The following TOX variants were observed in gnomAD, a reference collection of about 807,000 sequenced individuals.
TOX encodes the protein thymocyte selection associated high mobility group box.
Under a neutral mutation model 53.7 loss-of-function variants are expected in TOX, and 11 were observed. That is an observed-to-expected ratio of 0.20 (90% CI 0.13 to 0.34). TOX has a LOEUF of 0.34. Ranked by LOEUF, TOX falls within the 10% of genes least tolerant of loss-of-function variation. The probability of loss-of-function intolerance (pLI) is 1.00; values close to 1 mark genes in which losing one functional copy is unlikely to be tolerated. For missense variants in TOX, 570 were observed against 664.6 expected (o/e 0.86, Z 1.56); for synonymous variants, 225 against 245.3 (o/e 0.92, Z 0.77).
intron 1 of TOX, among the ~76,000 whole-genome samples, chr8:59,072,865 AT>A: frequency 6.6e-6 from 1 of 152,212 alleles, no homozygotes. Context: ...TTTCATTAAA[AT>A]TTCCAGAATG....
chr8:58,982,114 A>C (rs1340653486), intron 1 of TOX, among the ~76,000 whole-genome samples: 3 of 151,872 alleles, frequency 2.0e-5, no homozygotes, highest in Non-Finnish European at 2.9e-5. Flanking sequence ...CTAACCACTC[A>C]CTTGCCCCTT....
At chr8:59,043,201 CTGTGTGTGTG>C (rs10660376) in intron 1 of TOX, among the ~76,000 whole-genome samples, 1 of 147,902 alleles carries the variant, frequency 6.8e-6, no homozygotes, top group Non-Finnish European at 1.5e-5. Context: ...ACTTTCTTTT[CTGTGTGTGTG>C]TGTGTGTGTG....
At chr8:59,026,623 A>T (rs851800) in intron 1 of TOX, among the ~76,000 whole-genome samples, 3 of 152,028 alleles carry the variant, frequency 2.0e-5, no homozygotes, top group Non-Finnish European at 2.9e-5. Flanking sequence ...TAAGCCTGTA[A>T]CCCTTGGACA....
At chr8:59,001,045 A>G (rs978495435) in intron 1 of TOX, among the ~76,000 whole-genome samples, 1 of 152,204 alleles carries the variant, frequency 6.6e-6, no homozygotes, top group African/African-American at 2.4e-5. Context: ...GCTTAGAACA[A>G]TTGGTAATTA....
chr8:59,004,916 C>T (rs1813759297), intron 1 of TOX, among the ~76,000 whole-genome samples: 1 of 152,126 alleles, frequency 6.6e-6, no homozygotes, highest in African/African-American at 2.4e-5. Context: ...GGAATCAATC[C>T]AACTTAGTAG....
At chr8:59,027,452 T>C (rs72651366) in intron 1 of TOX, among the ~76,000 whole-genome samples, 1 of 48,200 alleles carries the variant, frequency 2.1e-5, no homozygotes, top group African/African-American at 7.4e-5. Context: ...GGAACAAGGT[T>C]TTTTTTTTTA....
At chr8:59,079,795 AT>A (rs1294181634) in intron 1 of TOX, among the ~76,000 whole-genome samples, 1 of 152,120 alleles carries the variant, frequency 6.6e-6, no homozygotes, top group Non-Finnish European at 1.5e-5. Flanking sequence ...AGACCCAAGG[AT>A]GGTAGATCCA....
intron 5 of TOX, among the ~76,000 whole-genome samples, chr8:58,828,538 G>T (rs1216670498): frequency 6.6e-6 from 1 of 151,688 alleles, no homozygotes. Context: ...AAGCACAGGA[G>T]TATTCTAAAT....
At chr8:58,885,813 T>C (rs553562860) in intron 3 of TOX, among the ~76,000 whole-genome samples, 1 of 152,256 alleles carries the variant, frequency 6.6e-6, no homozygotes, top group East Asian at 1.9e-4. Flanking sequence ...TGAAGACTTA[T>C]AATATTGGCT....
chr8:58,845,290 A>C (rs1163095660), intron 4 of TOX, among the ~76,000 whole-genome samples: 2 of 152,166 alleles, frequency 1.3e-5, no homozygotes, highest in Non-Finnish European at 2.9e-5. Context: ...AACAAACAAC[A>C]TAGAACTCCA....
At chr8:58,921,475 G>T (rs531684251) in intron 3 of TOX, among the ~76,000 whole-genome samples, 2 of 152,126 alleles carry the variant, frequency 1.3e-5, no homozygotes, top group Admixed American at 1.3e-4. Flanking sequence ...AGAAATATTA[G>T]AATACATTTG....
chr8:58,889,469 A>C (rs1811526921), intron 3 of TOX, among the ~76,000 whole-genome samples: 1 of 152,004 alleles, frequency 6.6e-6, no homozygotes, highest in Admixed American at 6.6e-5. Context: ...GAGAGAGAAG[A>C]AACCAAGTCT....
chr8:58,889,547 G>T (rs1207315472), intron 3 of TOX, among the ~76,000 whole-genome samples: 2 of 152,032 alleles, frequency 1.3e-5, no homozygotes, highest in Non-Finnish European at 2.9e-5. Flanking sequence ...ATACTTTGCA[G>T]TTTTGAACAA....
intron 1 of TOX, among the ~76,000 whole-genome samples, chr8:58,989,723 T>C (rs1020882307): frequency 1.3e-4 from 20 of 152,224 alleles, no homozygotes; most frequent in African/African-American, 4.8e-4. Context: ...TGTTAGTTAT[T>C]AATATAAGCT....
intron 3 of TOX, among the ~76,000 whole-genome samples, chr8:58,904,269 G>A (rs1811777521): frequency 6.6e-6 from 1 of 151,754 alleles, no homozygotes; most frequent in South Asian, 2.1e-4. Context: ...CATCTTTCCT[G>A]CTTGTCTGTA....
intron 4 of TOX, among the ~76,000 whole-genome samples, chr8:58,844,419 C>T (rs201097114): frequency 6.6e-6 from 1 of 152,242 alleles, no homozygotes; most frequent in East Asian, 1.9e-4. Context: ...TACCAGGGTG[C>T]TAAGACTGGA....
At chr8:58,819,723 C>T (rs756733883) in intron 6 of TOX, among the ~76,000 whole-genome samples, 2 of 152,014 alleles carry the variant, frequency 1.3e-5, no homozygotes, top group Non-Finnish European at 2.9e-5. Flanking sequence ...ATGATATGTG[C>T]TATAAAAATG....
intron 1 of TOX, among the ~76,000 whole-genome samples, chr8:59,093,506 T>C (rs916525766): frequency 5.3e-5 from 8 of 152,224 alleles, no homozygotes; most frequent in African/African-American, 1.9e-4. Flanking sequence ...CCAAGTCTTA[T>C]GAATGTTGTT....
intron 1 of TOX, among the ~76,000 whole-genome samples, chr8:59,106,057 C>A (rs1044878208): frequency 6.6e-6 from 1 of 152,074 alleles, no homozygotes. Flanking sequence ...AACCAAAGAG[C>A]CATTTTTCTA....
Sources: gnomAD v4.1 joint callset for allele counts (sites outside exome capture counted in the v4.1 genomes callset) on GRCh38, gnomAD v4.1.1 for gene constraint, MANE v1.5 for transcripts, NCBI Gene and HGNC (gene_info 2026-07-23, HGNC 2026-07-21) for gene names.